FBXL17: variants seen among roughly 807,000 people sequenced by gnomAD.
FBXL17 encodes F-box and leucine rich repeat protein 17.
Under a neutral mutation model 66.2 loss-of-function variants are expected in FBXL17, and 22 were observed. That is an observed-to-expected ratio of 0.33 (90% CI 0.24 to 0.47). The LOEUF (loss-of-function observed/expected upper bound fraction) is 0.47. FBXL17 is among the 20% of genes least tolerant of loss of function. FBXL17 has a pLI of 1.00. For missense variants in FBXL17, 878 were observed against 948.2 expected, an observed-to-expected ratio of 0.93 and a Z score of 0.97; for synonymous variants, 474 against 400.5, an observed-to-expected ratio of 1.18 and a Z score of -2.19.
At chr5:107,894,555 C>A (rs895100255) in intron 7 of FBXL17, among the ~76,000 whole-genome samples, 4 of 152,060 alleles carry the variant, frequency 2.6e-5, no homozygotes, top group African/African-American at 9.7e-5. Flanking sequence ...CGGGGGTAGG[C>A]ATGTGTTCCA....
At chr5:108,181,735 T>C (rs532989403) in intron 6 of FBXL17, among the ~76,000 whole-genome samples, 4 of 152,290 alleles carry the variant, frequency 2.6e-5, no homozygotes, top group Non-Finnish European at 5.9e-5. Flanking sequence ...TATAAATTAA[T>C]ATCTAAAAGT....
At chr5:108,176,291 T>C (rs1752792243) in intron 6 of FBXL17, among the ~76,000 whole-genome samples, 1 of 152,214 alleles carries the variant, frequency 6.6e-6, no homozygotes, top group Non-Finnish European at 1.5e-5. Context: ...GTTTAAATAC[T>C]GCAAGCTAAA....
chr5:108,067,097 C>T (rs998039214), intron 6 of FBXL17, among the ~76,000 whole-genome samples: 5 of 151,988 alleles, frequency 3.3e-5, no homozygotes, highest in Non-Finnish European at 7.4e-5. Context: ...AAGACATACT[C>T]TAGAATGTAG....
chr5:108,190,515 CT>C (rs1191023152), intron 5 of FBXL17, among the ~76,000 whole-genome samples: 3 of 152,210 alleles, frequency 2.0e-5, no homozygotes, highest in Non-Finnish European at 4.4e-5. Context: ...TGCACAGCTT[CT>C]GGCTTTTACT....
chr5:108,321,951 C>T (rs1223845321), intron 4 of FBXL17, among the ~76,000 whole-genome samples: 1 of 151,778 alleles, frequency 6.6e-6, no homozygotes, highest in Non-Finnish European at 1.5e-5. Flanking sequence ...CATACCATTC[C>T]CAAACAGATT....
intron 6 of FBXL17, among the ~76,000 whole-genome samples, chr5:108,090,157 A>G (rs1006920059): frequency 1.3e-5 from 2 of 152,208 alleles, no homozygotes; most frequent in African/African-American, 4.8e-5. Context: ...AAGCTTAATC[A>G]TAACATAAAG....
At chr5:108,141,636 A>T (rs1315057864) in intron 6 of FBXL17, among the ~76,000 whole-genome samples, 3 of 152,210 alleles carry the variant, frequency 2.0e-5, no homozygotes, top group African/African-American at 7.2e-5. Context: ...TTGCCTAATT[A>T]ATCTGAAGGC....
intron 7 of FBXL17, among the ~76,000 whole-genome samples, chr5:107,944,768 AT>A (rs1428728217): frequency 4.6e-4 from 70 of 152,260 alleles, no homozygotes; most frequent in African/African-American, 1.6e-3. Flanking sequence ...CGTATATCCA[AT>A]TTTTTAAAAG....
Position 108,341,666 on chromosome 5 carries a change from C to T in FBXL17, c.1506+6733G>A, listed in dbSNP as rs1191011921. Among the ~76,000 whole-genome samples the T allele has an allele frequency of 2.0e-5, 3 of 152,086 alleles. No individual in the cohort carries two copies. In the South Asian group the frequency reaches 6.2e-4, roughly 31 times the overall value. On this transcript the variant is annotated intron_variant, in intron 4 of 8. Coordinates refer to ENST00000542267, the MANE Select transcript of FBXL17 (RefSeq NM_001163315.3). ...ACCTAGAGACTTTCAAATTTCACAG[C>T]ATGACACTGAAAAAAATTTAACAAC...
At chr5:108,201,475 T>C (rs956578281) in intron 5 of FBXL17, among the ~76,000 whole-genome samples, 1 of 152,126 alleles carries the variant, frequency 6.6e-6, no homozygotes, top group Non-Finnish European at 1.5e-5. Flanking sequence ...CAGTTAAGTA[T>C]TTTATACATG....
chr5:108,303,674 CT>C (rs1346835250), intron 4 of FBXL17, among the ~76,000 whole-genome samples: 1 of 151,842 alleles, frequency 6.6e-6, no homozygotes, highest in Non-Finnish European at 1.5e-5. Flanking sequence ...TCCAGGTATT[CT>C]TACCTGTGGT....
intron 7 of FBXL17, among the ~76,000 whole-genome samples, chr5:107,938,738 G>A (rs1463609704): frequency 6.6e-6 from 1 of 152,084 alleles, no homozygotes; most frequent in African/African-American, 2.4e-5. Flanking sequence ...TTGCCCATAT[G>A]TTATATTTCC....
At chr5:108,024,679 G>A (rs1754727578) in intron 6 of FBXL17, among the ~76,000 whole-genome samples, 3 of 152,074 alleles carry the variant, frequency 2.0e-5, no homozygotes, top group Non-Finnish European at 1.5e-5. Flanking sequence ...GGAATACAGA[G>A]AAAGGGCCAG....
chr5:108,119,396 C>T (rs918153631), intron 6 of FBXL17, among the ~76,000 whole-genome samples: 1 of 152,178 alleles, frequency 6.6e-6, no homozygotes, highest in African/African-American at 2.4e-5. Context: ...GCTATATGAG[C>T]AGGTCAGAGT....
chr5:108,237,228 T>C (rs1315179088), intron 4 of FBXL17, among the ~76,000 whole-genome samples: 2 of 152,212 alleles, frequency 1.3e-5, no homozygotes, highest in Non-Finnish European at 2.9e-5. Context: ...TCAACAAATA[T>C]ACAAGCACCT....
At chr5:107,980,664 A>ATATTTTT in intron 7 of FBXL17, among the ~76,000 whole-genome samples, 1 of 62,104 alleles carries the variant, frequency 1.6e-5, no homozygotes, top group Non-Finnish European at 2.7e-5. Context: ...ATATATATAT[A>ATATTTTT]TTTTTTTTTT....
chr5:107,946,267 A>T (rs1452062019), intron 7 of FBXL17, among the ~76,000 whole-genome samples: 8 of 37,076 alleles, frequency 2.2e-4, no homozygotes, highest in South Asian at 1.1e-3. Flanking sequence ...ATATATATAT[A>T]TATATATATA....
At chr5:108,209,723 T>G (rs1039824053) in intron 5 of FBXL17, among the ~76,000 whole-genome samples, 2 of 152,230 alleles carry the variant, frequency 1.3e-5, no homozygotes, top group Non-Finnish European at 2.9e-5. Flanking sequence ...AGTATTTTAT[T>G]GAGGATTTTC....
At chr5:107,876,336 A>G (rs1012517991) in intron 8 of FBXL17, among the ~76,000 whole-genome samples, 2 of 152,240 alleles carry the variant, frequency 1.3e-5, no homozygotes, top group African/African-American at 4.8e-5. Context: ...TGAACAGTGT[A>G]TAAAATTAGT....
Sources: allele counts gnomAD v4.1 joint callset (sites outside exome capture counted in the v4.1 genomes callset), GRCh38; gene constraint gnomAD v4.1.1; transcripts MANE v1.5; gene names NCBI Gene and HGNC (gene_info 2026-07-23, HGNC 2026-07-21).